The following KATNAL2 variants were observed in gnomAD, a reference collection of about 807,000 sequenced individuals.
The protein encoded by KATNAL2 is katanin catalytic subunit A1 like 2.
In KATNAL2, 52 loss-of-function variants were observed where a neutral mutation model predicts 76.3. The ratio of observed to expected loss-of-function variants is 0.68; its 90% CI spans 0.55 to 0.86. The LOEUF (loss-of-function observed/expected upper bound fraction) is 0.86. Among genes scored for constraint, KATNAL2 ranks in the 40% least tolerant of loss-of-function variants. The pLI is 0.00. For missense variants in KATNAL2, 660 were observed against 668.9 expected, an observed-to-expected ratio of 0.99 and a Z score of 0.15; for synonymous variants, 243 against 244.2, an observed-to-expected ratio of 1.00 and a Z score of 0.05.
At chr18:46,924,666 G>A (rs564622529) in intron 1 of KATNAL2, among the ~76,000 whole-genome samples, 94 of 152,250 alleles carry the variant, frequency 6.2e-4, no homozygotes, top group Non-Finnish European at 1.0e-3. Flanking sequence ...ATTACTTTGG[G>A]CAGTATGGCC....
intron 15 of KATNAL2, 166 bp from the exon 16 acceptor site, chr18:47,099,073 ATTCT>A: frequency 1.9e-6 from 1 of 539,500 alleles, no homozygotes; most frequent in Non-Finnish European, 3.1e-6. Context: ...TTTCTCACCA[ATTCT>A]TTCTCCAAAT....
intron 15 of KATNAL2, among the ~76,000 whole-genome samples, chr18:47,078,728 T>G (rs1009508770): frequency 1.3e-5 from 2 of 152,160 alleles, no homozygotes; most frequent in Non-Finnish European, 2.9e-5. Context: ...CTACCCCCAG[T>G]GAATACCTAA....
intron 3 of KATNAL2, among the ~76,000 whole-genome samples, chr18:47,036,150 A>G (rs921064720): frequency 1.3e-5 from 2 of 152,198 alleles, no homozygotes; most frequent in Non-Finnish European, 2.9e-5. Context: ...CAGAATTTTT[A>G]ATACGAGGAA....
intron 1 of KATNAL2, among the ~76,000 whole-genome samples, chr18:46,928,744 C>T (rs1370210835): frequency 2.0e-5 from 3 of 152,114 alleles, no homozygotes; most frequent in African/African-American, 7.2e-5. Flanking sequence ...CAGGAAGATC[C>T]CTATTCCCCC....
intron 1 of KATNAL2, among the ~76,000 whole-genome samples, chr18:46,943,408 C>G (rs1239213656): frequency 6.6e-6 from 1 of 152,154 alleles, no homozygotes; most frequent in Non-Finnish European, 1.5e-5. Flanking sequence ...AGAACAAAGA[C>G]CTTGCTGATA....
intron 15 of KATNAL2, among the ~76,000 whole-genome samples, chr18:47,083,092 A>G (rs746891313): frequency 9.2e-5 from 14 of 152,242 alleles, no homozygotes; most frequent in Admixed American, 6.5e-5. Context: ...TAACACTGAA[A>G]TGAATTTCCT....
At chr18:46,921,353 C>G (rs2058533396) in intron 1 of KATNAL2, among the ~76,000 whole-genome samples, 1 of 152,160 alleles carries the variant, frequency 6.6e-6, no homozygotes, top group African/African-American at 2.4e-5. Flanking sequence ...GTCTTGAACT[C>G]CTGACCTCGT....
At chr18:47,048,880 C>T (rs890631797) in intron 4 of KATNAL2, among the ~76,000 whole-genome samples, 10 of 141,314 alleles carry the variant, frequency 7.1e-5, no homozygotes, top group African/African-American at 2.4e-4. Flanking sequence ...TCTCGCCCAG[C>T]CTGGAGTGCA....
At position 46,917,883 on chromosome 18, in the gene KATNAL2, C is replaced by T. The variant is rs1411736300; in HGVS notation, c.-553C>T. On this transcript the variant is annotated 5_prime_UTR_variant, in exon 1 of 18. Transcript: ENST00000683218. ...AGAAAGCCGCCGCAAATAAAACCAT[C>T]CCCCAGAGTAGTTGTGGCGGAATAA... is the stretch of plus-strand genomic sequence containing the variant. 1.3e-5 allele frequency: 2 copies of T among 152,362 alleles called. No homozygotes were observed. The highest frequency in any genetic ancestry group is 4.1e-4 in the South Asian group (2 of 4,828). 9.4% of individuals were successfully genotyped at this position (152,362 alleles called of 1,614,324 possible).
intron 10 of KATNAL2, 125 bp downstream of exon 10, chr18:47,063,486 G>C: frequency 1.5e-6 from 1 of 653,884 alleles, no homozygotes. Context: ...CCCCACTTGC[G>C]CAGGCACTCA....
At chr18:47,045,084 G>A (rs2061110287) in intron 3 of KATNAL2, among the ~76,000 whole-genome samples, 2 of 151,444 alleles carry the variant, frequency 1.3e-5, no homozygotes, top group South Asian at 4.2e-4. Flanking sequence ...GGGCCACAGG[G>A]TGAGACCCTG....
At chr18:46,944,186 A>G (rs2059321584) in intron 1 of KATNAL2, among the ~76,000 whole-genome samples, 3 of 152,136 alleles carry the variant, frequency 2.0e-5, no homozygotes, top group African/African-American at 7.2e-5. Flanking sequence ...AGAAAAGACA[A>G]TTTCAAAGGT....
chr18:46,927,673 A>G (rs992519452), intron 1 of KATNAL2, among the ~76,000 whole-genome samples: 1 of 152,174 alleles, frequency 6.6e-6, no homozygotes, highest in African/African-American at 2.4e-5. Flanking sequence ...AATATCCTGC[A>G]GAGTGTTTTC....
intron 1 of KATNAL2, among the ~76,000 whole-genome samples, chr18:46,930,839 A>G (rs958592336): frequency 6.6e-6 from 1 of 151,374 alleles, no homozygotes; most frequent in Non-Finnish European, 1.5e-5. Context: ...GCAGTGGTTC[A>G]CACCTGTAAT....
chr18:47,035,041 T>C, intron 3 of KATNAL2: 1 of 1,611,852 alleles, frequency 6.2e-7, no homozygotes, highest in South Asian at 1.1e-5. Context: ...GAGCACCAGC[T>C]TCTTCCACCG....
At chr18:46,920,762 A>C (rs558367347) in intron 1 of KATNAL2, among the ~76,000 whole-genome samples, 9 of 152,146 alleles carry the variant, frequency 5.9e-5, no homozygotes, top group Non-Finnish European at 1.0e-4. Context: ...AGATTTATAT[A>C]TCCTCATTAA....
chr18:47,094,434 T>C (rs943337601), intron 15 of KATNAL2, among the ~76,000 whole-genome samples: 1 of 152,260 alleles, frequency 6.6e-6, no homozygotes, highest in Non-Finnish European at 1.5e-5. Context: ...TGAAGAATTC[T>C]GTTTTCTCCA....
intron 1 of KATNAL2, among the ~76,000 whole-genome samples, chr18:46,925,141 G>A (rs1341952854): frequency 3.9e-5 from 6 of 152,136 alleles, no homozygotes; most frequent in Non-Finnish European, 8.8e-5. Flanking sequence ...TGGTGAGAGA[G>A]GGCATCCCTG....
At chr18:47,095,634 A>G (rs76183666) in intron 15 of KATNAL2, among the ~76,000 whole-genome samples, 1 of 152,312 alleles carries the variant, frequency 6.6e-6, no homozygotes, top group East Asian at 1.9e-4. Context: ...TTTTATTTCA[A>G]CCTTAGTAAC....
Sources: gnomAD v4.1 joint callset for allele counts (sites outside exome capture counted in the v4.1 genomes callset) on GRCh38, gnomAD v4.1.1 for gene constraint, MANE v1.5 for transcripts, NCBI Gene and HGNC (gene_info 2026-07-23, HGNC 2026-07-21) for gene names.